Variants in DAB1 observed in about 807,000 individuals in gnomAD.
DAB1 encodes the protein disabled homolog 1.
In DAB1, 15 loss-of-function variants were observed where a neutral mutation model predicts 64.6. The observed-to-expected ratio is 0.23, with a 90% confidence interval of 0.16 to 0.36. The LOEUF is 0.36. Among genes scored for constraint, DAB1 ranks in the 10% least tolerant of loss-of-function variants. The pLI, the probability that DAB1 is intolerant of heterozygous loss-of-function variation, is 1.00. For synonymous variants in DAB1, 235 were observed against 251.9 expected (o/e 0.93, Z 0.64); for missense variants, 596 against 706.7 (o/e 0.84, Z 1.78).
chr1:57,049,450 C>CA (rs574438911), intron 9 of DAB1, among the ~76,000 whole-genome samples: 3,751 of 24,460 alleles, frequency 0.15, 678 homozygotes, highest in Non-Finnish European at 0.17. Flanking sequence ...GACTCCGTCT[C>CA]AAAAAAAAAA....
chr1:57,517,440 C>T (rs1644476026), intron 7 of DAB1, among the ~76,000 whole-genome samples: 1 of 152,124 alleles, frequency 6.6e-6, no homozygotes, highest in African/African-American at 2.4e-5. Context: ...ACAGTGTCTT[C>T]CACACAGTAG....
chr1:57,906,192 T>C (rs1283553010), intron 5 of DAB1, among the ~76,000 whole-genome samples: 4 of 152,156 alleles, frequency 2.6e-5, no homozygotes, highest in Non-Finnish European at 4.4e-5. Flanking sequence ...CCAGCAGCCA[T>C]TGTGTATGTA....
intron 5 of DAB1, among the ~76,000 whole-genome samples, chr1:57,921,783 G>C (rs1428710339): frequency 1.3e-5 from 2 of 151,206 alleles, no homozygotes; most frequent in African/African-American, 4.9e-5. Context: ...GCTTAAAATT[G>C]CCCAGTAGCT....
intron 3 of DAB1, chr1:58,505,958 T>A (rs1645981914): frequency 4.7e-6 from 3 of 637,520 alleles, no homozygotes; most frequent in Non-Finnish European, 8.2e-6. Context: ...ATCAAAATAG[T>A]TAATAGGCTA....
At chr1:57,694,028 T>C (rs1646795285) in intron 6 of DAB1, among the ~76,000 whole-genome samples, 1 of 152,202 alleles carries the variant, frequency 6.6e-6, no homozygotes, top group Admixed American at 6.5e-5. Flanking sequence ...CAAAAATTTT[T>C]GCCCAGATCA....
chr1:57,989,767 T>A (rs1646302423), intron 5 of DAB1, among the ~76,000 whole-genome samples: 1 of 152,180 alleles, frequency 6.6e-6, no homozygotes, highest in South Asian at 2.1e-4. Context: ...CTTCTGCCTG[T>A]TTGCTTGATT....
chr1:57,223,632 G>A (rs548534585), intron 2 of DAB1, among the ~76,000 whole-genome samples: 155 of 152,302 alleles, frequency 1.0e-3, no homozygotes, highest in Non-Finnish European at 2.0e-3. Context: ...GGCACTAGGT[G>A]GAAGCAGGAA....
chr1:57,650,997 G>C (rs143948019), intron 6 of DAB1, among the ~76,000 whole-genome samples: 1 of 152,056 alleles, frequency 6.6e-6, no homozygotes, highest in African/African-American at 2.4e-5. Flanking sequence ...AGGAACAAAA[G>C]AATTAATTAA....
chr1:57,856,475 T>C (rs1352666347), intron 1 of DAB1, among the ~76,000 whole-genome samples: 1 of 152,170 alleles, frequency 6.6e-6, no homozygotes, highest in African/African-American at 2.4e-5. Context: ...TAAAAAGTGA[T>C]GATTGTGCCA....
chr1:57,935,421 A>G (rs1382695658), intron 5 of DAB1, among the ~76,000 whole-genome samples: 1 of 152,204 alleles, frequency 6.6e-6, no homozygotes, highest in East Asian at 1.9e-4. Flanking sequence ...ATAAATGTCA[A>G]GTAGTATTAT....
chr1:58,544,968 T>TG (rs1357963170), intron 1 of DAB1, among the ~76,000 whole-genome samples: 1 of 152,152 alleles, frequency 6.6e-6, no homozygotes, highest in Admixed American at 6.5e-5. Flanking sequence ...TTTTAACTCC[T>TG]GGGCTCAACT....
intron 5 of DAB1, among the ~76,000 whole-genome samples, chr1:57,955,306 T>C (rs570321481): frequency 5.1e-4 from 77 of 152,124 alleles, no homozygotes; most frequent in Non-Finnish European, 6.0e-4. Context: ...TGAAAAGTCT[T>C]AGTGGCATTG....
chr1:57,107,376 TTAAA>T (rs1399561385), intron 4 of DAB1, among the ~76,000 whole-genome samples: 1 of 58,220 alleles, frequency 1.7e-5, no homozygotes, highest in African/African-American at 7.1e-5. Flanking sequence ...CTCTGTTTCA[TTAAA>T]AAAAAAAAAA....
chr1:57,069,500 A>C, intron 7 of DAB1, 75 bp from the exon 8 acceptor site: 2 of 1,270,186 alleles, frequency 1.6e-6, no homozygotes, highest in Middle Eastern at 3.7e-4. Context: ...TTGGAAATTA[A>C]GATACAAATC....
chr1:57,832,542 C>T (rs954902529), intron 1 of DAB1, among the ~76,000 whole-genome samples: 1 of 152,216 alleles, frequency 6.6e-6, no homozygotes, highest in Non-Finnish European at 1.5e-5. Context: ...TAGTCAGATA[C>T]TTATTTCTTG....
In DAB1 at chr1:57,186,279, T is replaced by C. The variant is rs17115272; in HGVS notation, c.68-40850A>G. 1.5e-3 allele frequency among the ~76,000 whole-genome samples: 234 copies of C among 152,268 alleles called. 5 individuals carry two copies. In the East Asian group the frequency reaches 0.043, roughly 28 times the overall value. On this transcript the variant is annotated intron_variant, in intron 2 of 14. Transcript: ENST00000371236. ...CCAGCTCTCAAGTCCAGGATTAGTA[T>C]GGGAAAAACCAACTCACAAAAACCC...
chr1:57,857,506 T>C (rs184081163), intron 1 of DAB1, among the ~76,000 whole-genome samples: 1 of 152,320 alleles, frequency 6.6e-6, no homozygotes, highest in African/African-American at 2.4e-5. Context: ...ATACTTTACA[T>C]GTAATAACTC....
chr1:57,393,421 A>C (rs1047182926), intron 1 of DAB1, among the ~76,000 whole-genome samples: 4 of 152,172 alleles, frequency 2.6e-5, no homozygotes, highest in African/African-American at 9.7e-5. Context: ...GGCCGGGTGC[A>C]GTGACTCATG....
In DAB1 at chr1:57,795,042, A is replaced by G. The variant is rs1557484974; in HGVS notation, n.551+88957T>C. Reference sequence around the variant, plus strand: ...TCAGTTGAATCAAACTTAATGGTCAATGGAATGACCCATGTCATAGCCCGA... The same window carrying G: ...TCAGTTGAATCAAACTTAATGGTCAGTGGAATGACCCATGTCATAGCCCGA... On this transcript the variant is annotated intron_variant and non_coding_transcript_variant, in intron 6 of 20. Coordinates refer to the DAB1 transcript ENST00000485760. Among the ~76,000 whole-genome samples the G allele has an allele frequency of 3.3e-5, 5 of 152,354 alleles. 1 individual carries two copies. Among genetic ancestry groups the G allele is most frequent in the Admixed American group, 3.3e-4 (5 of 15,306 alleles).
Sources: gnomAD v4.1 joint callset for allele counts (sites outside exome capture counted in the v4.1 genomes callset) on GRCh38, gnomAD v4.1.1 for gene constraint, MANE v1.5 for transcripts, NCBI Gene and HGNC (gene_info 2026-07-23, HGNC 2026-07-21) for gene names.